SUPT3H: variants seen among roughly 807,000 people sequenced by gnomAD.
SUPT3H encodes the protein transcription initiation protein SPT3 homolog.
A neutral mutation model predicts 44.3 loss-of-function variants in SUPT3H; 44 were observed. The observed-to-expected ratio is 0.99, with a 90% CI of 0.78 to 1.28. The LOEUF is 1.28. Ranked by LOEUF, SUPT3H falls within the 50% of genes most tolerant of loss-of-function variation. The pLI is 0.00. For synonymous variants in SUPT3H, 124 were observed against 125.6 expected (o/e 0.99, Z 0.09); for missense variants, 380 against 387.1 (o/e 0.98, Z 0.15).
chr6:45,350,801 T>C (rs202017917), intron 2 of SUPT3H, among the ~76,000 whole-genome samples: 1 of 152,164 alleles, frequency 6.6e-6, no homozygotes, highest in East Asian at 1.9e-4. Flanking sequence ...ATCCCAGTAG[T>C]GTCTAAATGA....
At chr6:44,821,080 G>A (rs773932143) in intron 11 of SUPT3H, among the ~76,000 whole-genome samples, 3 of 152,004 alleles carry the variant, frequency 2.0e-5, no homozygotes, top group Admixed American at 6.5e-5. Context: ...CCAATTCTTC[G>A]CCTCAAGCAA....
At chr6:45,199,189 G>A (rs1161374048) in intron 2 of SUPT3H, among the ~76,000 whole-genome samples, 1 of 151,060 alleles carries the variant, frequency 6.6e-6, no homozygotes, top group African/African-American at 2.4e-5. Flanking sequence ...TACTGTTGTT[G>A]CATTGGATTA....
intron 2 of SUPT3H, among the ~76,000 whole-genome samples, chr6:45,192,426 T>C (rs943873578): frequency 6.6e-6 from 1 of 152,140 alleles, no homozygotes; most frequent in Non-Finnish European, 1.5e-5. Flanking sequence ...TGGGATCAGA[T>C]GAAAATGAAA....
intron 2 of SUPT3H, among the ~76,000 whole-genome samples, chr6:45,134,745 T>C (rs1804007829): frequency 6.6e-6 from 1 of 152,230 alleles, no homozygotes; most frequent in South Asian, 2.1e-4. Flanking sequence ...GTCTTAGTTC[T>C]GCCAGGATGG....
intron 2 of SUPT3H, among the ~76,000 whole-genome samples, chr6:45,133,741 G>A (rs1055453316): frequency 2.0e-5 from 3 of 152,146 alleles, no homozygotes; most frequent in African/African-American, 7.2e-5. Context: ...GAGAAAGCAG[G>A]AGGTGATAAC....
intron 7 of SUPT3H, among the ~76,000 whole-genome samples, chr6:44,960,558 G>A (rs566405830): frequency 6.6e-6 from 1 of 152,114 alleles, no homozygotes; most frequent in African/African-American, 2.4e-5. Flanking sequence ...CAGTGTGAAA[G>A]TAGTATGTCT....
downstream of SUPT3H, among the ~76,000 whole-genome samples, chr6:44,824,877 A>G (rs1767625047): frequency 6.6e-6 from 1 of 152,218 alleles, no homozygotes; most frequent in African/African-American, 2.4e-5. Context: ...CCTGCCTCAC[A>G]CACAAACATG....
At chr6:45,107,128 G>A (rs1799397541) in intron 2 of SUPT3H, among the ~76,000 whole-genome samples, 2 of 152,142 alleles carry the variant, frequency 1.3e-5, no homozygotes, top group Non-Finnish European at 2.9e-5. Context: ...GACTGGATGT[G>A]CAAAGAATAC....
Position 45,074,769 on chromosome 6 carries a change from C to G in SUPT3H, c.186+31153G>C, listed in dbSNP as rs549478015. On this transcript the variant is annotated intron_variant, in intron 3 of 10. Coordinates refer to ENST00000371459, the MANE Select transcript of SUPT3H (RefSeq NM_003599.4). ...ATGGGAGTGCAGAACTGTCAAAACT[C>G]CCTGAGTTAAGCACTTACAATCTGC... Among the ~76,000 whole-genome samples the G allele has an allele frequency of 2.0e-4, 30 of 152,078 alleles. No homozygotes were observed. The South Asian group carries it at 5.2e-3, about 26-fold the overall frequency.
At chr6:45,099,292 T>C (rs1305809127) in intron 3 of SUPT3H, 5 of 152,150 alleles carry the variant, frequency 3.3e-5, no homozygotes, top group African/African-American at 9.8e-5. Flanking sequence ...TGGGGCTCTA[T>C]GGAAGAAAGA....
At chr6:45,337,693 A>G (rs1788867199) in intron 2 of SUPT3H, among the ~76,000 whole-genome samples, 1 of 151,902 alleles carries the variant, frequency 6.6e-6, no homozygotes, top group Non-Finnish European at 1.5e-5. Context: ...GAATGTATTT[A>G]TAATATGATA....
chr6:44,965,114 C>A (rs907193860), intron 6 of SUPT3H, among the ~76,000 whole-genome samples: 1 of 152,116 alleles, frequency 6.6e-6, no homozygotes, highest in Admixed American at 6.5e-5. Context: ...TCAAACTATT[C>A]TTAAGAAAAA....
chr6:45,236,071 C>A (rs1444443560), intron 2 of SUPT3H, among the ~76,000 whole-genome samples: 2 of 152,216 alleles, frequency 1.3e-5, no homozygotes, highest in Non-Finnish European at 2.9e-5. Context: ...ATGTTTATCA[C>A]TGGCTTGCTG....
intron 1 of SUPT3H, 26 bp from the exon 2 acceptor site, chr6:45,365,327 T>C (rs200032531): frequency 6.8e-7 from 1 of 1,481,060 alleles, no homozygotes; most frequent in South Asian, 1.2e-5. Context: ...AAATAAAGCT[T>C]ACAAAATGTA....
intron 9 of SUPT3H, among the ~76,000 whole-genome samples, chr6:44,943,954 C>T (rs1772875731): frequency 6.6e-6 from 1 of 151,938 alleles, no homozygotes; most frequent in South Asian, 2.1e-4. Flanking sequence ...AAATAAAGAA[C>T]AATGGGAATG....
chr6:45,062,485 G>T (rs545857023), intron 3 of SUPT3H, among the ~76,000 whole-genome samples: 2 of 152,252 alleles, frequency 1.3e-5, no homozygotes, highest in Admixed American at 1.3e-4. Flanking sequence ...GAACAGCTCC[G>T]GTCTACAGCT....
chr6:45,252,023 G>GAA (rs540746931), intron 2 of SUPT3H, among the ~76,000 whole-genome samples: 154 of 152,232 alleles, frequency 1.0e-3, no homozygotes, highest in African/African-American at 3.6e-3. Flanking sequence ...GTGGAAATAA[G>GAA]AAAATAACCA....
At chr6:44,833,717 C>T (rs1023702200) in intron 10 of SUPT3H, among the ~76,000 whole-genome samples, 2 of 151,954 alleles carry the variant, frequency 1.3e-5, no homozygotes, top group African/African-American at 4.8e-5. Context: ...GATTTAAAAC[C>T]CAGGGCCTGT....
At chr6:45,031,960 G>A (rs961076317) in intron 3 of SUPT3H, among the ~76,000 whole-genome samples, 8 of 152,116 alleles carry the variant, frequency 5.3e-5, no homozygotes, top group Admixed American at 1.3e-4. Context: ...AATTACTTTA[G>A]TATTCTATTC....
Sources: allele counts gnomAD v4.1 joint callset (sites outside exome capture counted in the v4.1 genomes callset), GRCh38; gene constraint gnomAD v4.1.1; transcripts MANE v1.5; gene names NCBI Gene and HGNC (gene_info 2026-07-23, HGNC 2026-07-21).